Variants in LARGE1 observed in about 807,000 individuals in gnomAD.
LARGE1 encodes the protein LARGE xylosyl- and glucuronyltransferase 1.
In LARGE1, 43 loss-of-function variants were observed where a neutral mutation model predicts 87.6. The ratio of observed to expected loss-of-function variants is 0.49; its 90% CI spans 0.38 to 0.63. The LOEUF (loss-of-function observed/expected upper bound fraction) is 0.63, where lower values mean the gene tolerates loss of function less well. LARGE1 is among the 30% of genes least tolerant of loss of function. LARGE1 has a pLI of 0.00. For missense variants in LARGE1, 802 were observed against 1,000.2 expected (o/e 0.80, Z 2.67); for synonymous variants, 434 against 394.6 (o/e 1.10, Z -1.18).
chr22:33,255,086 T>C (rs1049152159), intron 11 of LARGE1, among the ~76,000 whole-genome samples: 12 of 152,172 alleles, frequency 7.9e-5, no homozygotes, highest in Admixed American at 7.9e-4. Context: ...TACAGGCGTC[T>C]GCCACCACAC....
chr22:33,815,477 C>T (rs1047963096), intron 1 of LARGE1, among the ~76,000 whole-genome samples: 1 of 152,112 alleles, frequency 6.6e-6, no homozygotes, highest in Non-Finnish European at 1.5e-5. Context: ...GGAGAATGTG[C>T]CATCAGAGAA....
chr22:33,422,946 T>C (rs768483376), intron 7 of LARGE1, among the ~76,000 whole-genome samples: 10 of 151,754 alleles, frequency 6.6e-5, no homozygotes, highest in South Asian at 2.1e-4. Flanking sequence ...GGGAAACAGA[T>C]CCAAACCCTA....
chr22:33,631,750 C>G (rs999860638), intron 3 of LARGE1, among the ~76,000 whole-genome samples: 1 of 152,226 alleles, frequency 6.6e-6, no homozygotes, highest in East Asian at 1.9e-4. Context: ...ACTGGTAACA[C>G]AGCCATTTTC....
Position 33,366,543 on chromosome 22 carries a change from A to G in LARGE1, c.1131+15376T>C, listed in dbSNP as rs117599344. On this transcript the variant is annotated intron_variant, in intron 9 of 14. Coordinates refer to ENST00000397394, the MANE Select transcript of LARGE1 (RefSeq NM_133642.5). The stretch of plus-strand genomic sequence containing the variant: ...TTCCTGGAACAAACCCAACTTGGCA[A>G]TGATATATTATCTATTTTATACATG... 3.3e-5 allele frequency among the ~76,000 whole-genome samples: 5 copies of G among 152,334 alleles called. No individual in the cohort carries two copies. In the East Asian group the frequency reaches 9.6e-4, roughly 29 times the overall value.
intron 7 of LARGE1, among the ~76,000 whole-genome samples, chr22:33,405,275 T>C (rs898409750): frequency 2.6e-5 from 4 of 152,210 alleles, no homozygotes; most frequent in Admixed American, 2.0e-4. Flanking sequence ...CAGGAAGCTC[T>C]AGCCTAGCTC....
chr22:33,702,082 T>C (rs2082419186), intron 2 of LARGE1, among the ~76,000 whole-genome samples: 1 of 152,228 alleles, frequency 6.6e-6, no homozygotes, highest in South Asian at 2.1e-4. Flanking sequence ...TGTGGCTGCA[T>C]TTCACAGAGT....
At chr22:33,602,996 G>A (rs143176074) in intron 5 of LARGE1, among the ~76,000 whole-genome samples, 3 of 152,356 alleles carry the variant, frequency 2.0e-5, no homozygotes, top group African/African-American at 7.2e-5. Flanking sequence ...GGGAGACAGA[G>A]TGGCTTGCTT....
chr22:33,335,848 C>T (rs2283893), intron 10 of LARGE1, among the ~76,000 whole-genome samples: 11,480 of 152,246 alleles, frequency 0.075, 879 homozygotes, highest in African/African-American at 0.19. Flanking sequence ...AATCCTTAAA[C>T]CAGTGGAGCT....
intron 11 of LARGE1, among the ~76,000 whole-genome samples, chr22:33,246,562 A>G (rs1568988395): frequency 6.6e-6 from 1 of 152,040 alleles, no homozygotes; most frequent in Non-Finnish European, 1.5e-5. Flanking sequence ...CAGAGAATAG[A>G]TTGAACCCAA....
chr22:33,510,291 TCTC>T (rs2070995253), intron 6 of LARGE1, among the ~76,000 whole-genome samples: 1 of 152,176 alleles, frequency 6.6e-6, no homozygotes, highest in Non-Finnish European at 1.5e-5. Context: ...AGGTCCCAAG[TCTC>T]CTCTAAGCAT....
chr22:33,372,235 T>G (rs540942231), intron 9 of LARGE1, among the ~76,000 whole-genome samples: 1 of 152,110 alleles, frequency 6.6e-6, no homozygotes, highest in African/African-American at 2.4e-5. Context: ...AATTATAAAA[T>G]AGTTCTTATT....
At chr22:33,735,641 G>A (rs563789298) in intron 2 of LARGE1, among the ~76,000 whole-genome samples, 10 of 152,220 alleles carry the variant, frequency 6.6e-5, no homozygotes, top group South Asian at 4.2e-4. Flanking sequence ...TAAATAATAC[G>A]TTTATTGAGA....
chr22:33,125,020 T>C, the LARGE1 span, among the ~76,000 whole-genome samples: 7 of 152,324 alleles, frequency 4.6e-5, 1 homozygote, highest in South Asian at 1.5e-3. Flanking sequence ...GACATGCTAA[T>C]TAAGAGGCAG....
chr22:33,829,011 T>TTC (rs1555881065), intron 1 of LARGE1, among the ~76,000 whole-genome samples: 1 of 101,806 alleles, frequency 9.8e-6, no homozygotes, highest in Non-Finnish European at 2.0e-5. Context: ...TTTTTCTTTT[T>TTC]TTTTTTTTTT....
intron 11 of LARGE1, among the ~76,000 whole-genome samples, chr22:33,176,259 C>T (rs1922863948): frequency 6.6e-6 from 1 of 152,062 alleles, no homozygotes; most frequent in Non-Finnish European, 1.5e-5. Context: ...GACTTCATGA[C>T]CAAAAGACCA....
chr22:33,710,043 T>C (rs1167844094), intron 2 of LARGE1, among the ~76,000 whole-genome samples: 7 of 151,300 alleles, frequency 4.6e-5, no homozygotes, highest in Non-Finnish European at 1.0e-4. Context: ...GTCCCTGTTG[T>C]CTATGTTCCC....
At chr22:33,186,763 A>G (rs941722010) in intron 11 of LARGE1, among the ~76,000 whole-genome samples, 2 of 152,222 alleles carry the variant, frequency 1.3e-5, no homozygotes, top group East Asian at 3.8e-4. Flanking sequence ...ATTAGACTTA[A>G]TATGTGAGTT....
chr22:33,125,474 T>G, the LARGE1 span, among the ~76,000 whole-genome samples: 1 of 151,352 alleles, frequency 6.6e-6, no homozygotes, highest in African/African-American at 2.4e-5. Flanking sequence ...GAGACAGAGT[T>G]TCACTCTTGT....
At chr22:33,916,524 T>C (rs5999142) in intron 1 of LARGE1, among the ~76,000 whole-genome samples, 4,598 of 152,290 alleles carry the variant, frequency 0.03, 236 homozygotes, top group African/African-American at 0.11. Flanking sequence ...AGAGAAATGC[T>C]GAACACCTCT....
Sources: allele counts gnomAD v4.1 joint callset (sites outside exome capture counted in the v4.1 genomes callset), GRCh38; gene constraint gnomAD v4.1.1; transcripts MANE v1.5; gene names NCBI Gene and HGNC (gene_info 2026-07-23, HGNC 2026-07-21).